Variants in APP observed in about 807,000 individuals in gnomAD.
APP encodes amyloid beta precursor protein, also known as amyloid-beta precursor protein.
In APP, 31 loss-of-function variants were observed where a neutral mutation model predicts 101.4. The observed-to-expected ratio is 0.31, with a 90% CI of 0.23 to 0.41. The LOEUF (loss-of-function observed/expected upper bound fraction) is 0.41, where lower values mean the gene tolerates loss of function less well. Ranked by LOEUF, APP falls within the 10% of genes least tolerant of loss-of-function variation. The probability of loss-of-function intolerance (pLI) is 1.00; values close to 1 mark genes in which losing one functional copy is unlikely to be tolerated. For missense variants in APP, 839 were observed against 1,003.7 expected, an observed-to-expected ratio of 0.84 and a Z score of 2.22; for synonymous variants, 366 against 364.4, an observed-to-expected ratio of 1.00 and a Z score of -0.05.
intron 6 of APP, among the ~76,000 whole-genome samples, chr21:26,020,907 T>C (rs887937794): frequency 2.0e-5 from 3 of 152,192 alleles, no homozygotes; most frequent in Admixed American, 6.5e-5. Flanking sequence ...ATTAATTCAA[T>C]AGAGAAAGTC....
chr21:26,062,335 A>G (rs1322276658), intron 3 of APP, among the ~76,000 whole-genome samples: 1 of 151,996 alleles, frequency 6.6e-6, no homozygotes, highest in Non-Finnish European at 1.5e-5. Context: ...TTACTTTAAA[A>G]AAGAGAAAAG....
chr21:26,117,148 T>C (rs2062453092), intron 1 of APP, among the ~76,000 whole-genome samples: 1 of 152,218 alleles, frequency 6.6e-6, no homozygotes, highest in Non-Finnish European at 1.5e-5. Flanking sequence ...CCTCCCAAAA[T>C]GTTGGGATTA....
intron 2 of APP, among the ~76,000 whole-genome samples, chr21:26,104,016 C>T (rs745775699): frequency 2.6e-5 from 4 of 152,152 alleles, no homozygotes; most frequent in Admixed American, 1.3e-4. Context: ...CCAGCATGAC[C>T]GAGTTCTGGT....
chr21:25,905,297 C>T (rs767156751), intron 14 of APP, among the ~76,000 whole-genome samples: 2 of 152,178 alleles, frequency 1.3e-5, no homozygotes, highest in Non-Finnish European at 2.9e-5. Flanking sequence ...GCCAGTCCTG[C>T]TCCTTAGTTT....
intron 9 of APP, among the ~76,000 whole-genome samples, chr21:25,979,792 C>T (rs370337418): frequency 8.7e-5 from 13 of 149,534 alleles, no homozygotes; most frequent in South Asian, 2.1e-4. Context: ...AGAAAAAATC[C>T]AGGATTAAAA....
At chr21:26,170,361 C>T (rs1219153242) in intron 1 of APP, among the ~76,000 whole-genome samples, 2 of 152,152 alleles carry the variant, frequency 1.3e-5, no homozygotes, top group African/African-American at 2.4e-5. Flanking sequence ...CGCTCCCTCT[C>T]AGCGGGCCGG....
chr21:26,090,096 C>A (rs752555717), intron 2 of APP, 24 bp from the exon 3 acceptor site: 2 of 1,613,568 alleles, frequency 1.2e-6, no homozygotes, highest in South Asian at 2.2e-5. Context: ...CAAAAAGAAT[C>A]AATTGTTACT....
At chr21:26,159,113 C>T (rs929298898) in intron 1 of APP, among the ~76,000 whole-genome samples, 4 of 151,510 alleles carry the variant, frequency 2.6e-5, no homozygotes, top group East Asian at 1.9e-4. Flanking sequence ...GACGGAGTCT[C>T]GCTCTGTTGC....
chr21:26,127,605 G>T (rs2062711150), intron 1 of APP, among the ~76,000 whole-genome samples: 1 of 152,154 alleles, frequency 6.6e-6, no homozygotes, highest in African/African-American at 2.4e-5. Flanking sequence ...GTCACTGTAG[G>T]AACTGGCTGA....
chr21:25,919,895 CGAGAA>C (rs1446784601), intron 13 of APP, among the ~76,000 whole-genome samples: 1 of 103,136 alleles, frequency 9.7e-6, no homozygotes, highest in Non-Finnish European at 1.9e-5. Flanking sequence ...AGATACTCCT[CGAGAA>C]GAGCAACTCC....
chr21:26,056,171 G>A (rs761872573), intron 3 of APP, among the ~76,000 whole-genome samples: 40 of 152,106 alleles, frequency 2.6e-4, no homozygotes, highest in Admixed American at 6.5e-4. Context: ...CTGAGTAGCT[G>A]GGACTACAGC....
At chr21:26,092,827 G>GA (rs2061854703) in intron 2 of APP, among the ~76,000 whole-genome samples, 1 of 152,042 alleles carries the variant, frequency 6.6e-6, no homozygotes, top group South Asian at 2.1e-4. Context: ...ACTTTTCTGT[G>GA]AATCTAAAAC....
chr21:25,967,109 A>C (rs576681457), intron 11 of APP, among the ~76,000 whole-genome samples: 1 of 152,374 alleles, frequency 6.6e-6, no homozygotes, highest in Non-Finnish European at 1.5e-5. Context: ...TATGTGAAGA[A>C]GTTTCCAGAG....
At chr21:26,144,143 G>C (rs145216013) in intron 1 of APP, among the ~76,000 whole-genome samples, 2 of 152,138 alleles carry the variant, frequency 1.3e-5, no homozygotes, top group East Asian at 1.9e-4. Context: ...ATCAGTTCTC[G>C]TGAGAACTAA....
intron 1 of APP, among the ~76,000 whole-genome samples, chr21:26,133,031 G>A (rs2062826169): frequency 6.6e-6 from 1 of 152,120 alleles, no homozygotes; most frequent in Admixed American, 6.5e-5. Flanking sequence ...GAGCTCAGGA[G>A]TTGGAGACCA....
chr21:25,901,295 T>TCAAAAAAA (rs1254373475), intron 15 of APP, among the ~76,000 whole-genome samples: 4 of 75,254 alleles, frequency 5.3e-5, no homozygotes, highest in African/African-American at 1.3e-4. Flanking sequence ...AAATCCTGTT[T>TCAAAAAAA]TAAAAAAAAA....
chr21:25,905,135 C>A, intron 14 of APP, 58 bp from the exon 15 acceptor site: 2 of 1,444,064 alleles, frequency 1.4e-6, no homozygotes, highest in South Asian at 2.3e-5. Context: ...GATGGTAAGT[C>A]GTGGCTCCCA....
chr21:26,055,562 T>G (rs970077890), intron 3 of APP, among the ~76,000 whole-genome samples: 1 of 152,178 alleles, frequency 6.6e-6, no homozygotes, highest in African/African-American at 2.4e-5. Context: ...GGTCAGGGAC[T>G]AACCCTAGCT....
intron 5 of APP, among the ~76,000 whole-genome samples, chr21:26,024,226 T>C (rs890451572): frequency 6.6e-6 from 1 of 152,050 alleles, no homozygotes; most frequent in African/African-American, 2.4e-5. Context: ...TCAACCTTTC[T>C]GGGGCAACTA....
Sources: allele counts gnomAD v4.1 joint callset (sites outside exome capture counted in the v4.1 genomes callset), GRCh38; gene constraint gnomAD v4.1.1; transcripts MANE v1.5; gene names NCBI Gene and HGNC (gene_info 2026-07-23, HGNC 2026-07-21).